PRPH2: variants seen among roughly 807,000 people sequenced by gnomAD.
The protein encoded by PRPH2 is peripherin-2.
A neutral mutation model predicts 31.3 loss-of-function variants in PRPH2; 17 were observed. The observed-to-expected ratio is 0.54, with a 90% CI of 0.37 to 0.81. PRPH2 has a LOEUF of 0.81. Ranked by LOEUF, PRPH2 falls within the 40% of genes least tolerant of loss-of-function variation. The probability of loss-of-function intolerance (pLI) is 0.00; values close to 1 mark genes in which losing one functional copy is unlikely to be tolerated. For missense variants in PRPH2, 430 were observed against 439.7 expected (o/e 0.98, Z 0.20); for synonymous variants, 165 against 184.4 (o/e 0.89, Z 0.85).
chr6:42,712,015 G>A, intron 1 of PRPH2: 1 of 969,828 alleles, frequency 1.0e-6, no homozygotes, highest in Non-Finnish European at 1.2e-6. Context: ...ACACAGAGCG[G>A]CACTGTAGGA....
chr6:42,716,962 CTTTTTTT>C lies in PRPH2; in HGVS notation c.581+4785_581+4791del, dbSNP rs1161769235. The stretch of plus-strand genomic sequence containing the variant: ...TTCTTTTCTTTTCTTTCTTTCTTTT[CTTTTTTT>C]TTTTTTTTTTTTTTTTTGGTAGAGG... On this transcript the variant is annotated intron_variant, in intron 1 of 2. Coordinates refer to ENST00000230381, the MANE Select transcript of PRPH2 (RefSeq NM_000322.5). Among the ~76,000 whole-genome samples, 151 of 45,210 alleles carry C rather than the reference CTTTTTTT, an allele frequency of 3.3e-3. 1 individual carries two copies. The highest frequency in any genetic ancestry group is 0.026 in the South Asian group (22 of 860). The allele number at this position is 45,210 out of a possible 152,430, so 29.7% of individuals were successfully genotyped here.
chr6:42,704,214 G>T, intron 2 of PRPH2, 151 bp downstream of exon 2: 1 of 946,232 alleles, frequency 1.1e-6, no homozygotes, highest in South Asian at 1.5e-5. Context: ...CCTGGGTGGG[G>T]TTCAAGCCCA....
chr6:42,718,400 G>A (rs978674803), intron 1 of PRPH2, among the ~76,000 whole-genome samples: 1 of 152,010 alleles, frequency 6.6e-6, no homozygotes, highest in African/African-American at 2.4e-5. Context: ...CCCTGGAGGT[G>A]ATGGTTGCAG....
intron 1 of PRPH2, among the ~76,000 whole-genome samples, chr6:42,712,976 G>A (rs1761699073): frequency 2.0e-5 from 3 of 151,886 alleles, no homozygotes; most frequent in Admixed American, 2.0e-4. Flanking sequence ...TGTAATCCCA[G>A]CACTTTGGGA....
At chr6:42,706,562 G>A (rs1407835992) in intron 1 of PRPH2, among the ~76,000 whole-genome samples, 9 of 149,598 alleles carry the variant, frequency 6.0e-5, no homozygotes, top group Admixed American at 2.7e-4. Context: ...CCGAGATCAC[G>A]CCAGTGAGAC....
In PRPH2 at chr6:42,698,391, G is replaced by C. The variant is rs936676026; in HGVS notation, c.945C>G (p.Thr315=). The C allele has an allele frequency of 3.1e-6, 5 of 1,613,766 alleles. No individual in the cohort carries two copies. The highest frequency in any genetic ancestry group is 3.4e-6 in the Non-Finnish European group (4 of 1,179,822). The part of the protein sequence containing the change: ...GWLLERSVPE[T]WKAFLESVKK... ...TCACACTCTCCAGAAAGGCCTTCCA[G>C]GTCTCCGGCACGCTCCTCTCCAGCA... Residue 315 remains threonine (T), a synonymous_variant, in exon 3 of 3, where the codon ACC becomes ACG. Transcript: ENST00000230381.
intron 1 of PRPH2, among the ~76,000 whole-genome samples, chr6:42,709,884 C>T (rs927241985): frequency 6.6e-6 from 1 of 152,202 alleles, no homozygotes; most frequent in East Asian, 1.9e-4. Context: ...CACCACCTAC[C>T]CTCAGGTACC....
At chr6:42,719,326 C>A (rs1761852966) in intron 1 of PRPH2, among the ~76,000 whole-genome samples, 1 of 151,440 alleles carries the variant, frequency 6.6e-6, no homozygotes, top group Admixed American at 6.6e-5. Flanking sequence ...ACAGGCATGC[C>A]ACCACACCCA....
intron 1 of PRPH2, among the ~76,000 whole-genome samples, chr6:42,715,275 T>G (rs1351569719): frequency 6.6e-6 from 1 of 152,124 alleles, no homozygotes; most frequent in Non-Finnish European, 1.5e-5. Context: ...AGGAGTTTTG[T>G]GCAGGATAAA....
intron 1 of PRPH2, among the ~76,000 whole-genome samples, chr6:42,710,040 C>G (rs567844305): frequency 2.0e-5 from 3 of 152,318 alleles, no homozygotes; most frequent in African/African-American, 7.2e-5. Context: ...GCTGGGCTTG[C>G]GGACATTCCC....
In PRPH2 at chr6:42,703,683, T is replaced by C. The variant is rs138686766; in HGVS notation, c.828+682A>G. 5.3e-3 allele frequency among the ~76,000 whole-genome samples: 810 copies of C among 152,274 alleles called. 5 individuals are homozygous for C. Among genetic ancestry groups the C allele is most frequent in the Non-Finnish European group, 9.5e-3 (648 of 68,012 alleles). The stretch of plus-strand genomic sequence containing the variant: ...AGGTTGGGAGGTGGTGACTGCTTCA[T>C]GGGTGTGAGATTTTCTTGGGGGCTG... On this transcript the variant is annotated intron_variant, in intron 2 of 2. Coordinates refer to ENST00000230381, the MANE Select transcript of PRPH2 (RefSeq NM_000322.5).
At chr6:42,721,712 A>G (rs1326527383) in intron 1 of PRPH2, 42 bp downstream of exon 1, 3 of 1,609,442 alleles carry the variant, frequency 1.9e-6, no homozygotes, top group Middle Eastern at 1.7e-4. Flanking sequence ...CAGTGTCCCC[A>G]ATATATTCAT....
intron 1 of PRPH2, among the ~76,000 whole-genome samples, chr6:42,715,445 C>T (rs955954994): frequency 2.6e-5 from 4 of 151,518 alleles, no homozygotes; most frequent in Non-Finnish European, 5.9e-5. Flanking sequence ...CCGAGGCAGG[C>T]GGATCACTTG....
chr6:42,704,734 G>A, intron 1 of PRPH2, 123 bp from the exon 2 acceptor site: 1 of 1,432,052 alleles, frequency 7.0e-7, no homozygotes, highest in Non-Finnish European at 9.8e-7. Flanking sequence ...GTATATATTT[G>A]CTGTGCGCCC....
intron 1 of PRPH2, among the ~76,000 whole-genome samples, chr6:42,708,444 T>C (rs1487879093): frequency 7.2e-5 from 11 of 152,090 alleles, no homozygotes; most frequent in Non-Finnish European, 1.5e-4. Context: ...GGGGCAGGGG[T>C]GGGAAGACAA....
chr6:42,716,903 A>G (rs1761793411), intron 1 of PRPH2, among the ~76,000 whole-genome samples: 1 of 139,430 alleles, frequency 7.2e-6, no homozygotes. Flanking sequence ...TACAGGCATG[A>G]GCCACCTCAC....
At chr6:42,709,334 T>TTAAAAAAAAA (rs778375787) in intron 1 of PRPH2, among the ~76,000 whole-genome samples, 3 of 77,048 alleles carry the variant, frequency 3.9e-5, no homozygotes, top group South Asian at 4.6e-4. Flanking sequence ...TGTCTCAAAT[T>TTAAAAAAAAA]AAAAAAAAAA....
At position 42,721,623 on chromosome 6, in the gene PRPH2, C is replaced by T. The variant is rs187082296; in HGVS notation, c.581+131G>A. On this transcript the variant is annotated intron_variant, in intron 1 of 2. Transcript: ENST00000230381. Reference sequence around the variant, plus strand: ...GTTCCACCTGATACACCCTCACATACGCAGCAATAAGTTGTGCACCCGATG... The same window carrying T: ...GTTCCACCTGATACACCCTCACATATGCAGCAATAAGTTGTGCACCCGATG... 342 of 1,048,490 alleles carry T rather than the reference C, an allele frequency of 3.3e-4. 2 individuals carry two copies. Among genetic ancestry groups the T allele is most frequent in the Admixed American group, 7.6e-4 (45 of 59,000 alleles). The allele number at this position is 1,048,490 out of a possible 1,614,324, so 64.9% of individuals were successfully genotyped here.
At chr6:42,721,725 C>T in intron 1 of PRPH2, 29 bp downstream of exon 1, 6 of 1,612,870 alleles carry the variant, frequency 3.7e-6, no homozygotes, top group Non-Finnish European at 5.1e-6. Flanking sequence ...ATATTCATAG[C>T]TCTGACCCCA....
Sources: allele counts gnomAD v4.1 joint callset (sites outside exome capture counted in the v4.1 genomes callset), GRCh38; gene constraint gnomAD v4.1.1; transcripts MANE v1.5; gene names NCBI Gene and HGNC (gene_info 2026-07-23, HGNC 2026-07-21).